The following WWTR1 variants were observed in gnomAD, a reference collection of about 807,000 sequenced individuals.
WWTR1 encodes WW domain containing transcription regulator 1, also known as WW domain-containing transcription regulator protein 1.
A neutral mutation model predicts 40.1 loss-of-function variants in WWTR1; 13 were observed. The observed-to-expected ratio is 0.32, with a 90% CI of 0.21 to 0.52. The LOEUF (loss-of-function observed/expected upper bound fraction) is 0.52, where lower values mean the gene tolerates loss of function less well. Among genes scored for constraint, WWTR1 ranks in the 20% least tolerant of loss-of-function variants. WWTR1 has a pLI of 0.97. For missense variants in WWTR1, 436 were observed against 523.1 expected (o/e 0.83, Z 1.63); for synonymous variants, 230 against 210.1 (o/e 1.09, Z -0.82).
At chr3:149,540,197 C>T (rs1233457493) in intron 4 of WWTR1, 1 of 456,136 alleles carries the variant, frequency 2.2e-6, no homozygotes, top group Non-Finnish European at 4.4e-6. Flanking sequence ...ATATACAATG[C>T]AACAATGCAA....
chr3:149,719,408 T>G (rs377736500), intron 4 of WWTR1, among the ~76,000 whole-genome samples: 82 of 152,268 alleles, frequency 5.4e-4, no homozygotes, highest in African/African-American at 1.9e-3. Flanking sequence ...TGACCTCAGG[T>G]GATCCACCTG....
At chr3:149,703,109 T>C (rs184603201) in intron 1 of WWTR1, 1 of 152,384 alleles carries the variant, frequency 6.6e-6, no homozygotes, top group East Asian at 1.9e-4. Flanking sequence ...GAAGGCTGAA[T>C]ATAAAGTCTC....
At chr3:149,592,590 T>C (rs1458143088) in intron 2 of WWTR1, among the ~76,000 whole-genome samples, 3 of 152,224 alleles carry the variant, frequency 2.0e-5, no homozygotes, top group Non-Finnish European at 2.9e-5. Flanking sequence ...AGAATATATA[T>C]ATACAGGCAT....
Position 149,567,377 on chromosome 3 carries a change from C to T in WWTR1, c.568+5487G>A, listed in dbSNP as rs1241065323. Among the ~76,000 whole-genome samples, 3 of 152,180 alleles carry T rather than the reference C, an allele frequency of 2.0e-5. No homozygotes were observed. In the East Asian group the frequency reaches 5.8e-4, roughly 29 times the overall value. ...CTTAGAACTCAGAAGTGTGACTGCTCTTCACAAACTCCCTCTGTGAATGAC... is the reference window on the plus strand; with the variant it reads ...CTTAGAACTCAGAAGTGTGACTGCTTTTCACAAACTCCCTCTGTGAATGAC... On this transcript the variant is annotated intron_variant, in intron 3 of 6. Coordinates refer to ENST00000360632, the MANE Select transcript of WWTR1 (RefSeq NM_015472.6).
chr3:149,556,535 C>A (rs958626639), intron 3 of WWTR1, among the ~76,000 whole-genome samples: 2 of 152,110 alleles, frequency 1.3e-5, no homozygotes, highest in Non-Finnish European at 2.9e-5. Context: ...GCCGAGATCG[C>A]GCCACTGCAC....
chr3:149,705,170 T>G (rs1443155984), upstream of WWTR1, among the ~76,000 whole-genome samples: 1 of 152,044 alleles, frequency 6.6e-6, no homozygotes, highest in Non-Finnish European at 1.5e-5. Context: ...GTCTACAAGG[T>G]ACAATATTTC....
At chr3:149,664,920 G>T (rs960267130) in intron 2 of WWTR1, among the ~76,000 whole-genome samples, 3 of 152,000 alleles carry the variant, frequency 2.0e-5, no homozygotes, top group Non-Finnish European at 4.4e-5. Flanking sequence ...GATGTTATCT[G>T]TTGCTTTAGT....
At chr3:149,606,882 C>G (rs1213488860) in intron 2 of WWTR1, among the ~76,000 whole-genome samples, 1 of 152,140 alleles carries the variant, frequency 6.6e-6, no homozygotes, top group African/African-American at 2.4e-5. Context: ...TGTGAAAGAC[C>G]TGAAGTCAGA....
At chr3:149,600,170 A>G (rs1739180558) in intron 2 of WWTR1, among the ~76,000 whole-genome samples, 1 of 151,756 alleles carries the variant, frequency 6.6e-6, no homozygotes, top group Admixed American at 6.6e-5. Context: ...AGGGTCCTGG[A>G]ACCAATCCTT....
At chr3:149,709,761 G>A (rs985622232) in intron 5 of WWTR1, among the ~76,000 whole-genome samples, 5 of 152,016 alleles carry the variant, frequency 3.3e-5, no homozygotes, top group Admixed American at 1.3e-4. Flanking sequence ...AAAATTAGCC[G>A]GGTGTGGTGG....
chr3:149,566,219 T>C (rs1737319549), intron 3 of WWTR1, among the ~76,000 whole-genome samples: 1 of 151,808 alleles, frequency 6.6e-6, no homozygotes. Context: ...CTTTTCCTTC[T>C]TTTTTTTAAT....
intron 2 of WWTR1, among the ~76,000 whole-genome samples, chr3:149,669,075 A>C (rs1713957527): frequency 6.6e-6 from 1 of 152,184 alleles, no homozygotes; most frequent in Non-Finnish European, 1.5e-5. Flanking sequence ...ACAGAGTCCA[A>C]GTTTTTACCT....
chr3:149,581,153 C>A (rs1738138163), intron 2 of WWTR1, among the ~76,000 whole-genome samples: 1 of 152,142 alleles, frequency 6.6e-6, no homozygotes, highest in Non-Finnish European at 1.5e-5. Flanking sequence ...AATTCTTTGT[C>A]CCAAGGCAGC....
At chr3:149,626,154 AG>A (rs202076956) in intron 2 of WWTR1, among the ~76,000 whole-genome samples, 4,178 of 152,348 alleles carry the variant, frequency 0.027, 98 homozygotes, top group Non-Finnish European at 0.044. Context: ...TCAAGGTACA[AG>A]GGACCAAGTC....
intron 2 of WWTR1, among the ~76,000 whole-genome samples, chr3:149,666,790 T>C (rs1713840680): frequency 6.6e-6 from 1 of 152,224 alleles, no homozygotes; most frequent in Non-Finnish European, 1.5e-5. Flanking sequence ...CTCTCCGGCT[T>C]TCAAATTATA....
At chr3:149,569,348 T>C (rs1158790750) in intron 3 of WWTR1, among the ~76,000 whole-genome samples, 1 of 152,250 alleles carries the variant, frequency 6.6e-6, no homozygotes, top group Non-Finnish European at 1.5e-5. Flanking sequence ...ACATATATTT[T>C]AGCTTACTAT....
At chr3:149,565,206 A>T (rs563940201) in intron 3 of WWTR1, among the ~76,000 whole-genome samples, 2 of 152,112 alleles carry the variant, frequency 1.3e-5, no homozygotes, top group East Asian at 1.9e-4. Flanking sequence ...ATAAATAAAT[A>T]AATTTATTTA....
intron 2 of WWTR1, among the ~76,000 whole-genome samples, chr3:149,626,863 A>C (rs1440669845): frequency 6.6e-6 from 1 of 152,156 alleles, no homozygotes; most frequent in African/African-American, 2.4e-5. Context: ...TCCTGAGGCC[A>C]CCAAGCAGCT....
chr3:149,540,113 CACACACACACAG>C (rs1736022341), intron 4 of WWTR1: 1 of 439,978 alleles, frequency 2.3e-6, no homozygotes, highest in Non-Finnish European at 4.6e-6. Flanking sequence ...CACACACACA[CACACACACACAG>C]AGTCAAGGCT....
Sources: allele counts gnomAD v4.1 joint callset (sites outside exome capture counted in the v4.1 genomes callset), GRCh38; gene constraint gnomAD v4.1.1; transcripts MANE v1.5; gene names NCBI Gene and HGNC (gene_info 2026-07-23, HGNC 2026-07-21).